Variants in LNP1 observed in about 807,000 individuals in gnomAD.
LNP1 encodes leukemia NUP98 fusion partner 1.
In LNP1, 12 loss-of-function variants were observed where a neutral mutation model predicts 14.5. The observed-to-expected ratio is 0.83, with a 90% confidence interval of 0.53 to 1.34. LNP1 has a LOEUF of 1.34. Ranked by LOEUF, LNP1 falls within the 40% of genes most tolerant of loss-of-function variation. The probability of loss-of-function intolerance (pLI) is 0.00; values close to 1 mark genes in which losing one functional copy is unlikely to be tolerated. For synonymous variants in LNP1, 75 were observed against 71.4 expected, an observed-to-expected ratio of 1.05 and a Z score of -0.26; for missense variants, 198 against 210.9, an observed-to-expected ratio of 0.94 and a Z score of 0.38.
At chr3:100,416,671 T>TA (rs1270035592) in intron 1 of LNP1, among the ~76,000 whole-genome samples, 10 of 150,224 alleles carry the variant, frequency 6.7e-5, no homozygotes, top group African/African-American at 2.2e-4. Flanking sequence ...GTCCTTTTTT[T>TA]AAAAAAAATA....
At chr3:100,422,571 A>C (rs1245945986) in intron 1 of LNP1, among the ~76,000 whole-genome samples, 1 of 152,200 alleles carries the variant, frequency 6.6e-6, no homozygotes, top group Non-Finnish European at 1.5e-5. Flanking sequence ...ACAAAGCTAC[A>C]GAGATTTCAT....
At chr3:100,402,608 A>G (rs994601922) in intron 1 of LNP1, among the ~76,000 whole-genome samples, 169 bp downstream of exon 1, 2 of 151,626 alleles carry the variant, frequency 1.3e-5, no homozygotes, top group East Asian at 3.9e-4. Flanking sequence ...CCTTAATATA[A>G]GCTCTGCCTT....
chr3:100,427,329 G>C (rs1707202867), intron 1 of LNP1, among the ~76,000 whole-genome samples: 1 of 152,126 alleles, frequency 6.6e-6, no homozygotes, highest in Admixed American at 6.5e-5. Flanking sequence ...GCATCAGCCA[G>C]GCTGCACTTT....
chr3:100,436,132 C>A (rs748862349), intron 2 of LNP1, among the ~76,000 whole-genome samples: 12 of 152,108 alleles, frequency 7.9e-5, no homozygotes, highest in Admixed American at 7.9e-4. Context: ...AACCTTGTGG[C>A]GGTCAGAATA....
At chr3:100,453,422 AT>A (rs1371505475) in intron 3 of LNP1, among the ~76,000 whole-genome samples, 2 of 150,474 alleles carry the variant, frequency 1.3e-5, no homozygotes, top group Non-Finnish European at 1.5e-5. Flanking sequence ...CTCTACGAAA[AT>A]TAAAAAAAAA....
intron 2 of LNP1, among the ~76,000 whole-genome samples, chr3:100,430,426 A>C (rs928285568): frequency 6.6e-6 from 1 of 152,202 alleles, no homozygotes; most frequent in African/African-American, 2.4e-5. Context: ...GTTTTGTTAC[A>C]GCTAGGCAGA....
intron 1 of LNP1, among the ~76,000 whole-genome samples, chr3:100,403,562 T>A (rs1356718739): frequency 6.6e-6 from 1 of 152,116 alleles, no homozygotes; most frequent in Non-Finnish European, 1.5e-5. Flanking sequence ...CCTGCAGGCT[T>A]CAAGCAATTC....
chr3:100,415,381 A>G (rs1300613436), intron 1 of LNP1, among the ~76,000 whole-genome samples: 1 of 152,214 alleles, frequency 6.6e-6, no homozygotes, highest in East Asian at 1.9e-4. Context: ...TACATATGAA[A>G]ACATCCTTAA....
chr3:100,428,258 G>A (rs1384633179), intron 1 of LNP1, among the ~76,000 whole-genome samples: 1 of 152,156 alleles, frequency 6.6e-6, no homozygotes, highest in East Asian at 1.9e-4. Context: ...ATGGGATCTG[G>A]CGTGGTGGCT....
chr3:100,429,064 C>G (rs1346155723), intron 1 of LNP1, among the ~76,000 whole-genome samples: 2 of 152,164 alleles, frequency 1.3e-5, no homozygotes, highest in Non-Finnish European at 2.9e-5. Flanking sequence ...AAAAATTCAT[C>G]AAGCTGTGCA....
intron 1 of LNP1, among the ~76,000 whole-genome samples, chr3:100,415,745 G>T (rs2148900159): frequency 6.6e-6 from 1 of 152,254 alleles, no homozygotes; most frequent in East Asian, 1.9e-4. Context: ...TAGAAGAATG[G>T]ATGGATTATT....
intron 1 of LNP1, among the ~76,000 whole-genome samples, chr3:100,415,181 A>G (rs1293620675): frequency 1.3e-5 from 2 of 152,230 alleles, no homozygotes; most frequent in Admixed American, 1.3e-4. Context: ...TACAGAAAAC[A>G]TATACTGCAA....
intron 2 of LNP1, among the ~76,000 whole-genome samples, chr3:100,433,096 C>A (rs192301910): frequency 1.3e-5 from 2 of 152,246 alleles, no homozygotes; most frequent in East Asian, 3.9e-4. Flanking sequence ...ATGTGCAGAA[C>A]GTGCAGGTTT....
At chr3:100,409,956 CATCTATCTATCT>C (rs71625560) in intron 1 of LNP1, among the ~76,000 whole-genome samples, 152 of 149,514 alleles carry the variant, frequency 1.0e-3, no homozygotes, top group Admixed American at 1.1e-3. Flanking sequence ...ACATAGCTTA[CATCTATCTATCT>C]ATCTATCTAT....
chr3:100,412,280 AAGAACTCACTACCGTG>A (rs1707038403), intron 1 of LNP1, among the ~76,000 whole-genome samples: 1 of 152,182 alleles, frequency 6.6e-6, no homozygotes, highest in Non-Finnish European at 1.5e-5. Context: ...TCTAGAGAGC[AAGAACTCACTACCGTG>A]AGAATAGCAC....
At chr3:100,427,704 C>T (rs954437) in intron 1 of LNP1, among the ~76,000 whole-genome samples, 1,726 of 152,216 alleles carry the variant, frequency 0.011, 30 homozygotes, top group African/African-American at 0.04. Context: ...TGAAAGGATA[C>T]AAGGTAAAAC....
At chr3:100,431,942 C>T (rs937841229) in intron 2 of LNP1, among the ~76,000 whole-genome samples, 9 of 136,266 alleles carry the variant, frequency 6.6e-5, no homozygotes, top group Admixed American at 3.1e-4. Context: ...CTGCAGTGAA[C>T]GGTGAACATG....
intron 1 of LNP1, among the ~76,000 whole-genome samples, chr3:100,416,597 T>TGTGTG (rs1559840688): frequency 3.6e-5 from 4 of 110,586 alleles, no homozygotes; most frequent in Non-Finnish European, 7.9e-5. Context: ...AGTATATCTT[T>TGTGTG]TTTGTGTGTG....
At chr3:100,428,867 T>C (rs568655378) in intron 1 of LNP1, among the ~76,000 whole-genome samples, 2 of 152,348 alleles carry the variant, frequency 1.3e-5, no homozygotes, top group African/African-American at 4.8e-5. Context: ...GGATAATGCA[T>C]ACTGTATAAT....
Sources: allele counts gnomAD v4.1 joint callset (sites outside exome capture counted in the v4.1 genomes callset), GRCh38; gene constraint gnomAD v4.1.1; transcripts MANE v1.5; gene names NCBI Gene and HGNC (gene_info 2026-07-23, HGNC 2026-07-21).